MCF2L2: variants seen among roughly 807,000 people sequenced by gnomAD.
MCF2L2 encodes the protein probable guanine nucleotide exchange factor MCF2L2.
MCF2L2 carries 102 observed loss-of-function variants against 150.2 expected under a neutral mutation model. The ratio of observed to expected loss-of-function variants is 0.68; its 90% CI spans 0.58 to 0.80. The LOEUF is 0.80. Ranked by LOEUF, MCF2L2 falls within the 30% of genes least tolerant of loss-of-function variation. The pLI is 0.00. For synonymous variants in MCF2L2, 465 were observed against 491.3 expected, an observed-to-expected ratio of 0.95 and a Z score of 0.71; for missense variants, 1,256 against 1,372.8, an observed-to-expected ratio of 0.91 and a Z score of 1.34.
intron 15 of MCF2L2, among the ~76,000 whole-genome samples, chr3:183,250,102 A>T (rs1724447237): frequency 6.6e-6 from 1 of 152,248 alleles, no homozygotes; most frequent in Non-Finnish European, 1.5e-5. Flanking sequence ...TGTTACTGAC[A>T]CATAACAGCC....
intron 25 of MCF2L2, among the ~76,000 whole-genome samples, chr3:183,203,913 T>A (rs899694887): frequency 6.6e-6 from 1 of 152,132 alleles, no homozygotes. Context: ...GAGAAGGCAA[T>A]GGGATGACAT....
At chr3:183,243,294 G>A (rs183918034) in intron 15 of MCF2L2, among the ~76,000 whole-genome samples, 1 of 152,282 alleles carries the variant, frequency 6.6e-6, no homozygotes, top group East Asian at 1.9e-4. Flanking sequence ...TTGTCTCTGT[G>A]TCCCCAGCTT....
intron 26 of MCF2L2, among the ~76,000 whole-genome samples, chr3:183,194,024 T>C (rs1308111350): frequency 6.6e-6 from 1 of 152,288 alleles, no homozygotes; most frequent in Non-Finnish European, 1.5e-5. Flanking sequence ...GAGGAATTCA[T>C]GGTCTCATAG....
chr3:183,321,096 A>G (rs1246757561), intron 6 of MCF2L2, among the ~76,000 whole-genome samples: 1 of 152,210 alleles, frequency 6.6e-6, no homozygotes, highest in Non-Finnish European at 1.5e-5. Context: ...ACCCCAAAAC[A>G]ATTACAATAG....
intron 1 of MCF2L2, among the ~76,000 whole-genome samples, chr3:183,394,827 T>C (rs1714348986): frequency 6.6e-6 from 1 of 152,172 alleles, no homozygotes; most frequent in African/African-American, 2.4e-5. Context: ...TAATACACAA[T>C]GCTGGGGTTA....
At chr3:183,193,801 A>G (rs1721991500) in intron 26 of MCF2L2, among the ~76,000 whole-genome samples, 1 of 152,170 alleles carries the variant, frequency 6.6e-6, no homozygotes, top group Admixed American at 6.5e-5. Context: ...CCTACTAAGC[A>G]TTGGAGGTCC....
At chr3:183,360,164 C>A (rs532884598) in intron 3 of MCF2L2, among the ~76,000 whole-genome samples, 4 of 152,140 alleles carry the variant, frequency 2.6e-5, no homozygotes, top group Non-Finnish European at 5.9e-5. Flanking sequence ...GCTGCATTCA[C>A]AACAGAACAA....
chr3:183,420,820 C>T (rs1715843684), intron 1 of MCF2L2, among the ~76,000 whole-genome samples: 1 of 152,196 alleles, frequency 6.6e-6, no homozygotes, highest in South Asian at 2.1e-4. Flanking sequence ...AGAGCTCCCT[C>T]ACTGTCAAAA....
At chr3:183,209,799 A>G (rs1266939930) in intron 22 of MCF2L2, among the ~76,000 whole-genome samples, 1 of 152,144 alleles carries the variant, frequency 6.6e-6, no homozygotes, top group Non-Finnish European at 1.5e-5. Context: ...TTCATGCACT[A>G]AATTATTTAA....
chr3:183,348,501 C>T (rs905999794), intron 3 of MCF2L2, among the ~76,000 whole-genome samples: 4 of 151,948 alleles, frequency 2.6e-5, no homozygotes, highest in Non-Finnish European at 5.9e-5. Context: ...ACCACCATGG[C>T]ACATGTATAC....
intron 1 of MCF2L2, among the ~76,000 whole-genome samples, chr3:183,390,099 C>T (rs530046366): frequency 2.2e-3 from 337 of 152,288 alleles, no homozygotes; most frequent in African/African-American, 7.8e-3. Context: ...GACCTCATTA[C>T]GAAGGCAGGT....
At chr3:183,192,497 A>C (rs1422046828) in intron 27 of MCF2L2, among the ~76,000 whole-genome samples, 2 of 152,218 alleles carry the variant, frequency 1.3e-5, no homozygotes, top group Non-Finnish European at 2.9e-5. Context: ...TGATCCTAAC[A>C]GTCGATTTAA....
At chr3:183,402,186 G>A (rs1257194132) in intron 1 of MCF2L2, among the ~76,000 whole-genome samples, 1 of 152,090 alleles carries the variant, frequency 6.6e-6, no homozygotes, top group Non-Finnish European at 1.5e-5. Context: ...GCTCATGCCT[G>A]TAGTCCCAGC....
intron 3 of MCF2L2, among the ~76,000 whole-genome samples, chr3:183,364,416 A>C (rs1712400721): frequency 6.6e-6 from 1 of 152,124 alleles, no homozygotes; most frequent in African/African-American, 2.4e-5. Context: ...GCTACTCAGG[A>C]GGCTGAGGCA....
chr3:183,333,179 T>C (rs1730336818), intron 5 of MCF2L2, among the ~76,000 whole-genome samples: 1 of 152,092 alleles, frequency 6.6e-6, no homozygotes, highest in Non-Finnish European at 1.5e-5. Flanking sequence ...CCCGAGTAGC[T>C]AGGACTACAG....
At chr3:183,355,615 T>TTTTTTC (rs1711726632) in intron 3 of MCF2L2, among the ~76,000 whole-genome samples, 1 of 131,570 alleles carries the variant, frequency 7.6e-6, no homozygotes, top group African/African-American at 3.1e-5. Context: ...CCCAGCTAAT[T>TTTTTTC]TTTTTTTTTT....
At chr3:183,246,987 T>C (rs1724288749) in intron 15 of MCF2L2, among the ~76,000 whole-genome samples, 1 of 152,236 alleles carries the variant, frequency 6.6e-6, no homozygotes, top group Non-Finnish European at 1.5e-5. Context: ...AGGGCAGATG[T>C]CCTGTCTTAT....
intron 3 of MCF2L2, among the ~76,000 whole-genome samples, chr3:183,352,876 C>T (rs1000845097): frequency 1.3e-5 from 2 of 152,192 alleles, no homozygotes; most frequent in Non-Finnish European, 2.9e-5. Context: ...AAAAGAACCT[C>T]TGTCTTGTAG....
intron 1 of MCF2L2, among the ~76,000 whole-genome samples, chr3:183,404,927 C>A (rs1396437351): frequency 6.6e-6 from 1 of 151,950 alleles, no homozygotes; most frequent in South Asian, 2.1e-4. Flanking sequence ...ATGCTCCTTG[C>A]ATCTTAAAAA....
Sources: gnomAD v4.1 joint callset for allele counts (sites outside exome capture counted in the v4.1 genomes callset) on GRCh38, gnomAD v4.1.1 for gene constraint, MANE v1.5 for transcripts, NCBI Gene and HGNC (gene_info 2026-07-23, HGNC 2026-07-21) for gene names.